GREB1L: variants seen among roughly 807,000 people sequenced by gnomAD.
GREB1L encodes the protein GREB1 like retinoic acid receptor coactivator.
A neutral mutation model predicts 200.8 loss-of-function variants in GREB1L; 17 were observed. The observed-to-expected ratio is 0.08, with a 90% CI of 0.06 to 0.13. The LOEUF (loss-of-function observed/expected upper bound fraction) is 0.13. Among genes scored for constraint, GREB1L ranks in the 10% least tolerant of loss-of-function variants. The pLI is 1.00. For missense variants in GREB1L, 1,657 were observed against 2,367.7 expected (o/e 0.70, Z 6.23); for synonymous variants, 789 against 893.0 (o/e 0.88, Z 2.08).
intron 23 of GREB1L, among the ~76,000 whole-genome samples, chr18:21,503,579 T>C (rs2036889928): frequency 6.9e-6 from 1 of 145,650 alleles, no homozygotes; most frequent in African/African-American, 2.6e-5. Context: ...TCATTATTAT[T>C]ATTATTATTA....
intron 7 of GREB1L, among the ~76,000 whole-genome samples, chr18:21,411,894 A>C (rs1177715749): frequency 6.6e-6 from 1 of 151,068 alleles, no homozygotes; most frequent in Admixed American, 6.6e-5. Flanking sequence ...AAATACAAAA[A>C]ATTAGCCGGG....
chr18:21,326,475 T>C (rs1428889246), intron 1 of GREB1L, among the ~76,000 whole-genome samples: 1 of 152,172 alleles, frequency 6.6e-6, no homozygotes, highest in Non-Finnish European at 1.5e-5. Context: ...CAGACACCGA[T>C]AGCCGGTCGC....
intron 7 of GREB1L, among the ~76,000 whole-genome samples, chr18:21,431,725 ACC>A (rs1489272971): frequency 2.0e-5 from 3 of 152,014 alleles, no homozygotes; most frequent in Non-Finnish European, 2.9e-5. Flanking sequence ...GAAGTACCCA[ACC>A]CTTGTTATTA....
chr18:21,372,082 A>C (rs1191881433), intron 2 of GREB1L, among the ~76,000 whole-genome samples: 1 of 152,104 alleles, frequency 6.6e-6, no homozygotes. Flanking sequence ...TAATTGTTAA[A>C]GTTTAGAAAG....
intron 1 of GREB1L, among the ~76,000 whole-genome samples, chr18:21,254,195 G>A (rs1285113817): frequency 5.4e-5 from 8 of 147,908 alleles, no homozygotes; most frequent in African/African-American, 1.8e-4. Context: ...TCAGCCTCCC[G>A]AATAGCTGGG....
chr18:21,271,823 T>C (rs770150060), intron 1 of GREB1L, among the ~76,000 whole-genome samples: 52 of 152,066 alleles, frequency 3.4e-4, no homozygotes, highest in Middle Eastern at 3.2e-3. Context: ...CGGTGGACTT[T>C]CCATTAGGTT....
intron 7 of GREB1L, among the ~76,000 whole-genome samples, chr18:21,428,428 C>T (rs1233991676): frequency 1.5e-5 from 2 of 137,806 alleles, no homozygotes; most frequent in African/African-American, 5.6e-5. Context: ...GAGGAAGGTC[C>T]CTTCTGTTTC....
chr18:21,292,374 G>T (rs903944405), intron 1 of GREB1L, among the ~76,000 whole-genome samples: 4 of 152,140 alleles, frequency 2.6e-5, no homozygotes, highest in Non-Finnish European at 5.9e-5. Flanking sequence ...CATAATTCAC[G>T]TACCATAAAA....
chr18:21,454,236 T>C, intron 14 of GREB1L, 130 bp from the exon 15 acceptor site: 2 of 651,484 alleles, frequency 3.1e-6, no homozygotes, highest in East Asian at 2.7e-5. Context: ...AGAGTGCAAA[T>C]AGCAGGTGAG....
chr18:21,304,301 T>C (rs1414929993), intron 1 of GREB1L, among the ~76,000 whole-genome samples: 2 of 152,004 alleles, frequency 1.3e-5, no homozygotes, highest in African/African-American at 4.8e-5. Context: ...AGTCATACAG[T>C]CTTTGGTAGG....
chr18:21,346,428 T>C (rs1217739368), intron 1 of GREB1L, among the ~76,000 whole-genome samples: 1 of 151,918 alleles, frequency 6.6e-6, no homozygotes, highest in South Asian at 2.1e-4. Flanking sequence ...CGGCTATCTT[T>C]TATCTATAGG....
rs554154635 is a variant in GREB1L at position 21,496,563 on chromosome 18, C to T, written c.3256C>T (p.Arg1086Trp). The part of the protein sequence containing the change: ...ACCYVSKEVI[R>W]GPTVALDLSG... ...CTGCTATGTCTCAAAAGAGGTCATC[C>T]GGGGACCCACTGTTGCCCTGGACCT... The change falls in exon 21 of 33, where the codon CGG becomes TGG. Residue 1086 changes from arginine (R) to tryptophan (W), a missense_variant. By Grantham distance (101) the Arg-to-Trp change is moderately radical. Coordinates refer to ENST00000424526, the MANE Select transcript of GREB1L (RefSeq NM_001142966.3). 63 of 1,551,650 alleles carry T rather than the reference C, an allele frequency of 4.1e-5. No individual in the cohort carries two copies. Among genetic ancestry groups the T allele is most frequent in the South Asian group, 1.2e-4 (10 of 84,054 alleles).
intron 1 of GREB1L, among the ~76,000 whole-genome samples, chr18:21,290,033 G>T (rs2038421944): frequency 6.6e-6 from 1 of 152,184 alleles, no homozygotes; most frequent in Non-Finnish European, 1.5e-5. Flanking sequence ...ACTTACTACT[G>T]CCTTGTCTCT....
At chr18:21,453,627 T>C (rs2034627629) in intron 14 of GREB1L, among the ~76,000 whole-genome samples, 1 of 152,132 alleles carries the variant, frequency 6.6e-6, no homozygotes, top group South Asian at 2.1e-4. Flanking sequence ...GCTTAGAGTA[T>C]CTGGGAAATG....
At chr18:21,356,033 C>T (rs2143428918) in intron 1 of GREB1L, among the ~76,000 whole-genome samples, 1 of 137,344 alleles carries the variant, frequency 7.3e-6, no homozygotes, top group Admixed American at 7.9e-5. Context: ...GTCGCCCAGG[C>T]TGGAGTGCAG....
intron 6 of GREB1L, among the ~76,000 whole-genome samples, chr18:21,403,644 A>G (rs2041408739): frequency 1.3e-5 from 2 of 152,226 alleles, no homozygotes; most frequent in Admixed American, 6.5e-5. Flanking sequence ...TGTAGGGAAC[A>G]AAGGTCCAAT....
intron 1 of GREB1L, among the ~76,000 whole-genome samples, chr18:21,321,473 T>A (rs1233131758): frequency 6.6e-6 from 1 of 151,670 alleles, no homozygotes; most frequent in Non-Finnish European, 1.5e-5. Context: ...TCACCTCAGG[T>A]CAGGAGTTCA....
chr18:21,411,852 T>G (rs904881567), intron 7 of GREB1L, among the ~76,000 whole-genome samples: 1 of 151,064 alleles, frequency 6.6e-6, no homozygotes, highest in Non-Finnish European at 1.5e-5. Context: ...GAGACCATCC[T>G]GGCTAACACG....
chr18:21,412,072 AAAAAAT>A, intron 7 of GREB1L, among the ~76,000 whole-genome samples: 1 of 149,450 alleles, frequency 6.7e-6, no homozygotes, highest in African/African-American at 2.5e-5. Context: ...AAAAAAAAAA[AAAAAAT>A]AGAATGGGTA....
Sources: allele counts gnomAD v4.1 joint callset (sites outside exome capture counted in the v4.1 genomes callset), GRCh38; gene constraint gnomAD v4.1.1; transcripts MANE v1.5; gene names NCBI Gene and HGNC (gene_info 2026-07-23, HGNC 2026-07-21).